The following MYO7B variants were observed in gnomAD, a reference collection of about 807,000 sequenced individuals.
MYO7B encodes unconventional myosin-VIIb.
In MYO7B, 212 loss-of-function variants were observed where a neutral mutation model predicts 259.7. That is an observed-to-expected ratio of 0.82 (90% confidence interval 0.73 to 0.91). The LOEUF (loss-of-function observed/expected upper bound fraction) is 0.91, where lower values mean the gene tolerates loss of function less well. Among genes scored for constraint, MYO7B ranks in the 40% least tolerant of loss-of-function variants. MYO7B has a pLI of 0.00. For synonymous variants in MYO7B, 1,197 were observed against 1,166.4 expected (o/e 1.03, Z -0.54); for missense variants, 2,732 against 2,813.5 (o/e 0.97, Z 0.66).
In MYO7B at chr2:127,608,843, G is replaced by A. The variant is rs781046729; in HGVS notation, c.2779G>A (p.Gly927Arg). ...GTTCGGCTTCCTCCCTGCCATGATT[G>A]GGGGCCAGGAGGGCCAGGCCTCGCC... is the stretch of plus-strand genomic sequence containing the variant. ...KVFGFLPAMI[G>R]GQEGQASPHF... The change falls in exon 22 of 48, where the codon GGG becomes AGG. Residue 927 changes from glycine to arginine, a missense_variant. Physicochemically the swap from Gly to Arg is moderately radical, Grantham distance 125 (BLOSUM62 -2). Transcript: ENST00000409816. The A allele has an allele frequency of 8.1e-6, 13 of 1,613,250 alleles. No individual in the cohort carries two copies. The East Asian group carries it at 2.7e-4, about 33-fold the overall frequency.
rs772589446 is a variant in MYO7B, at chr2:127,577,936, A to G, written c.850-197A>G. ...TTGGCCAAGGTCACACAGTGGCCAAATGCTGGTGCTGGTGGCAAGGCCTGA... is the reference window on the plus strand; with the variant it reads ...TTGGCCAAGGTCACACAGTGGCCAAGTGCTGGTGCTGGTGGCAAGGCCTGA... On this transcript the variant is annotated intron_variant, in intron 8 of 47. Transcript: ENST00000409816. The surrounding 1 kb of genome is among the most constrained non-coding windows in gnomAD (Gnocchi z 5.2). 1.3e-5 allele frequency among the ~76,000 whole-genome samples: 2 copies of G among 152,230 alleles called. No individual in the cohort carries two copies. Among genetic ancestry groups the G allele is most frequent in the Non-Finnish European group, 2.9e-5 (2 of 68,040 alleles).
chr2:127,578,445 C>T (rs1198679771), intron 9 of MYO7B, among the ~76,000 whole-genome samples, 159 bp downstream of exon 9: 2 of 147,106 alleles, frequency 1.4e-5, no homozygotes, highest in South Asian at 2.1e-4. Context: ...TTGGAGGCCT[C>T]GTGAGGCAAA....
chr2:127,578,652 C>G (rs73953646), intron 9 of MYO7B, among the ~76,000 whole-genome samples: 4,336 of 152,168 alleles, frequency 0.028, 133 homozygotes, highest in African/African-American at 0.078. Flanking sequence ...GTGAACACCC[C>G]CAAGCACCTA....
Position 127,628,559 on chromosome 2 carries a change from T to C in MYO7B, c.4624+24T>C. 1 of 43,934 alleles carries C rather than the reference T, an allele frequency of 2.3e-5. No individual in the cohort carries two copies. Among genetic ancestry groups the C allele is most frequent in the Non-Finnish European group, 4.2e-5 (1 of 23,600 alleles). The allele number at this position is 43,934 out of a possible 1,614,324, so 2.7% of individuals were successfully genotyped here. ...AGGTGCCAGACTGGGTGGGGTGGGGTGGGGTGGGGTGGGGTGGGGGAGGGC... is the reference window on the plus strand; with the variant it reads ...AGGTGCCAGACTGGGTGGGGTGGGGCGGGGTGGGGTGGGGTGGGGGAGGGC... On this transcript the variant is annotated intron_variant, in intron 34 of 47. Coordinates refer to ENST00000409816, the MANE Select transcript of MYO7B (RefSeq NM_001393586.1). This position sits in a 1 kb window ranked among gnomAD's most constrained non-coding sequence, Gnocchi z 4.8.
chr2:127,625,562 C>A (rs778621241), intron 31 of MYO7B, 27 bp downstream of exon 31: 2 of 1,556,168 alleles, frequency 1.3e-6, no homozygotes, highest in Admixed American at 3.7e-5. Context: ...CTCAGGCACC[C>A]ACCCGAGGGC....
rs1681807857 is a variant in MYO7B at position 127,636,393 on chromosome 2, A to G, written c.6123+69A>G. On this transcript the variant is annotated intron_variant, in intron 45 of 47. Transcript: ENST00000409816. The surrounding 1 kb of genome is among the most constrained non-coding windows in gnomAD (Gnocchi z 4.5). ...CGCTCAGCCCAGCCCCAGCAGGCCC[A>G]GCGTCAACCAGCACACATCTTGGGT... 3.4e-6 allele frequency: 5 copies of G among 1,488,374 alleles called. No homozygotes were observed. In the East Asian group the frequency reaches 1.1e-4, roughly 34 times the overall value. The allele number at this position is 1,488,374 out of a possible 1,614,324, so 92.2% of individuals were successfully genotyped here.
chr2:127,611,841 C>T lies in MYO7B; in HGVS notation c.3193-409C>T, dbSNP rs1680397869. Among the ~76,000 whole-genome samples the T allele has an allele frequency of 6.6e-6, 1 of 152,180 alleles. No homozygotes were observed. The highest frequency in any genetic ancestry group is 2.4e-5 in the African/African-American group (1 of 41,448). On this transcript the variant is annotated intron_variant, in intron 24 of 47. Coordinates refer to ENST00000409816, the MANE Select transcript of MYO7B (RefSeq NM_001393586.1). This position sits in a 1 kb window ranked among gnomAD's most constrained non-coding sequence, Gnocchi z 5.4. ...CACCTTGCAGTGGCAGAGCATCCTG[C>T]TTCATCTGCTATCTTTACTGAGAAT... is the stretch of plus-strand genomic sequence containing the variant.
intron 1 of MYO7B, among the ~76,000 whole-genome samples, chr2:127,545,514 G>A (rs1346579544): frequency 6.6e-6 from 1 of 152,246 alleles, no homozygotes; most frequent in African/African-American, 2.4e-5. Flanking sequence ...TGAGAGACAA[G>A]TCGGGGAAAA....
intron 6 of MYO7B, among the ~76,000 whole-genome samples, chr2:127,571,442 G>GTTTTTTTTTTGTTTTT (rs1553448471): frequency 4.5e-4 from 19 of 41,936 alleles, no homozygotes; most frequent in South Asian, 8.3e-4. Context: ...TTACCAGTGA[G>GTTTTTTTTTTGTTTTT]TTTTTTTTTT....
intron 9 of MYO7B, among the ~76,000 whole-genome samples, chr2:127,580,146 C>A (rs1050807100): frequency 6.6e-6 from 1 of 152,140 alleles, no homozygotes; most frequent in African/African-American, 2.4e-5. Context: ...TATTTTATCT[C>A]CAATTTTTTT....
rs756630235 is a variant in MYO7B at position 127,605,884 on chromosome 2, C to A, written c.2380C>A (p.Gln794Lys). 3 of 1,613,808 alleles carry A rather than the reference C, an allele frequency of 1.9e-6. No homozygotes were observed. Among genetic ancestry groups the A allele is most frequent in the Admixed American group, 1.7e-5 (1 of 60,014 alleles). ...GCAGAGGCGGGCAGCTGTGACCCTG[C>A]AGGCCTGGTGGAGAGGCTACTGCAA... Reference protein sequence around the residue: ...LRQRRAAVTLQAWWRGYCNRR... With the variant: ...LRQRRAAVTLKAWWRGYCNRR... The change falls in exon 20 of 48, where the codon CAG (glutamine) becomes AAG (lysine). Residue 794 changes from glutamine to lysine, a missense_variant. Physicochemically the swap from Gln to Lys is moderately conservative, Grantham distance 53. This residue lies in a region of MYO7B where 1,906 missense variants were observed against 2,026.4 expected (regional missense o/e 0.94). Coordinates refer to ENST00000409816, the MANE Select transcript of MYO7B (RefSeq NM_001393586.1).
intron 37 of MYO7B, 60 bp downstream of exon 37, chr2:127,631,423 C>G: frequency 6.4e-7 from 1 of 1,570,496 alleles, no homozygotes; most frequent in Non-Finnish European, 8.7e-7. Flanking sequence ...GCACCCAGCA[C>G]ATCCTGGCCC....
chr2:127,612,252 A>G lies in MYO7B; in HGVS notation c.3195A>G (p.Arg1065=). ...QVPQHSRSAQ[R]SGCKDKGTKD... is the part of the protein sequence containing the mutation. ...GCGGGAACTGTCTCCCTCCACAGAGATCTGGCTGCAAGGACAAGGGGACCA... is the reference window on the plus strand; with the variant it reads ...GCGGGAACTGTCTCCCTCCACAGAGGTCTGGCTGCAAGGACAAGGGGACCA... The change falls in exon 25 of 48, where the codon AGA becomes AGG. Residue 1065 remains arginine, a splice_region_variant and synonymous_variant. Transcript: ENST00000409816. The G allele has an allele frequency of 1.5e-6, 1 of 654,846 alleles. No individual in the cohort carries two copies. The highest frequency in any genetic ancestry group is 2.8e-6 in the Non-Finnish European group (1 of 361,852). The allele number at this position is 654,846 out of a possible 1,614,324, so 40.6% of individuals were successfully genotyped here. A position where few individuals can be genotyped will look rare whatever the true frequency, so the allele number is the denominator to read the frequency against.
intron 27 of MYO7B, among the ~76,000 whole-genome samples, chr2:127,621,590 G>T (rs1680841454): frequency 6.6e-6 from 1 of 152,112 alleles, no homozygotes; most frequent in Non-Finnish European, 1.5e-5. Flanking sequence ...TCTTCATTAT[G>T]TTTTCTCATG....
At chr2:127,632,100 C>T in intron 38 of MYO7B, 146 bp from the exon 39 acceptor site, 2 of 991,412 alleles carry the variant, frequency 2.0e-6, no homozygotes, top group Non-Finnish European at 2.9e-6. Flanking sequence ...CCTGGCACAG[C>T]TGGCATGGTG....
At chr2:127,624,056 ACAGCCGCTAACCC>A (rs1680979266) in intron 29 of MYO7B, 24 bp from the exon 30 acceptor site, 14 of 1,521,924 alleles carry the variant, frequency 9.2e-6, no homozygotes, top group Non-Finnish European at 1.2e-5. Context: ...GGGGCATGCA[ACAGCCGCTAACCC>A]CTGCTCCCCG....
chr2:127,636,598 T>TG lies in MYO7B; in HGVS notation c.6181dup (p.Val2061GlyfsTer52). On this transcript the variant is annotated frameshift_variant, in exon 46 of 48. Transcript: ENST00000409816. LOFTEE classifies it high-confidence loss of function. The surrounding 1 kb of genome is among the most constrained non-coding windows in gnomAD (Gnocchi z 4.5). ...TCATCCTCATCGCCATCAACCGACA[T>TG]GGGGTTCTGCTCATCCACCCCAAGA... 1 of 1,612,852 alleles carries TG rather than the reference T, an allele frequency of 6.2e-7. No homozygotes were observed. The highest frequency in any genetic ancestry group is 8.5e-7 in the Non-Finnish European group (1 of 1,179,430).
chr2:127,544,978 A>G (rs1253078305), intron 1 of MYO7B, among the ~76,000 whole-genome samples: 2 of 148,154 alleles, frequency 1.3e-5, no homozygotes, highest in African/African-American at 2.5e-5. Context: ...GCCCGCCTCG[A>G]CCTCCCAAAG....
chr2:127,604,375 T>G (rs1343129119), intron 19 of MYO7B, among the ~76,000 whole-genome samples: 1 of 152,250 alleles, frequency 6.6e-6, no homozygotes, highest in Non-Finnish European at 1.5e-5. Context: ...ATTAGGATCT[T>G]GCTCTGGGTT....
Sources: gnomAD v4.1 joint callset for allele counts (sites outside exome capture counted in the v4.1 genomes callset) on GRCh38, gnomAD v4.1.1 for gene constraint, gnomAD v4.1.1 regional missense constraint, Gnocchi (gnomAD v3.1) non-coding constraint, MANE v1.5 for transcripts, NCBI Gene and HGNC (gene_info 2026-07-23, HGNC 2026-07-21) for gene names.